DCHS2: variants seen among roughly 807,000 people sequenced by gnomAD.
DCHS2 encodes dachsous cadherin-related 2.
Under a neutral mutation model 182.4 loss-of-function variants are expected in DCHS2, and 142 were observed. The ratio of observed to expected loss-of-function variants is 0.78; its 90% CI spans 0.68 to 0.89. The LOEUF (loss-of-function observed/expected upper bound fraction) is 0.89, where lower values mean the gene tolerates loss of function less well. DCHS2 is among the 40% of genes least tolerant of loss of function. The probability of loss-of-function intolerance (pLI) is 0.00; values close to 1 mark genes in which losing one functional copy is unlikely to be tolerated. For synonymous variants in DCHS2, 1,740 were observed against 1,663.3 expected (o/e 1.05, Z -1.12); for missense variants, 4,319 against 4,198.6 (o/e 1.03, Z -0.79).
rs530829110 is a variant in DCHS2, at chr4:154,477,438, G to C, written c.2052+11866C>G. On this transcript the variant is annotated intron_variant, in intron 1 of 19. Transcript: ENST00000357232. Reference sequence around the variant, plus strand: ...AACATAGCACAAAGGCCTGAGCTGAGAAAAAGCACGGTGCCTTTTTGAAAT... The same window carrying C: ...AACATAGCACAAAGGCCTGAGCTGACAAAAAGCACGGTGCCTTTTTGAAAT... 3.1e-4 allele frequency among the ~76,000 whole-genome samples: 47 copies of C among 152,292 alleles called. 1 individual carries two copies. The South Asian group carries it at 9.5e-3, about 31-fold the overall frequency.
At chr4:154,443,775 C>T (rs1050894419) in intron 1 of DCHS2, among the ~76,000 whole-genome samples, 1 of 152,196 alleles carries the variant, frequency 6.6e-6, no homozygotes, top group Non-Finnish European at 1.5e-5. Flanking sequence ...CCACACAGTT[C>T]TCCAGCTACA....
At chr4:154,452,637 CAAACAAAA>C (rs1035678304) in intron 1 of DCHS2, among the ~76,000 whole-genome samples, 10 of 137,476 alleles carry the variant, frequency 7.3e-5, no homozygotes, top group African/African-American at 2.5e-4. Context: ...AACAAACAAA[CAAACAAAA>C]AAACAAAAAA....
Position 154,236,451 on chromosome 4 carries a change from G to A in DCHS2, c.8201C>T (p.Thr2734Ile). The change falls in exon 20 of 20, where the codon ACA becomes ATA. Residue 2734 changes from threonine to isoleucine, a missense_variant. Transcript: ENST00000357232. ...LIKPLDYEKM[T>I]KFTLTVQASD... is the part of the protein sequence containing the mutation. ...AGCTTGGACAGTTAAGGTGAATTTT[G>A]TCATTTTTTCATAATCCAGAGGTTT... is the stretch of plus-strand genomic sequence containing the variant. 6.2e-7 allele frequency: 1 copy of A among 1,613,950 alleles called. No individual in the cohort carries two copies. The highest frequency in any genetic ancestry group is 8.5e-7 in the Non-Finnish European group (1 of 1,179,930).
chr4:154,242,176 G>A (rs1172457071), intron 17 of DCHS2, among the ~76,000 whole-genome samples: 1 of 152,146 alleles, frequency 6.6e-6, no homozygotes, highest in African/African-American at 2.4e-5. Context: ...TACCATTAGT[G>A]TGGTACAAAC....
chr4:154,473,998 T>G (rs1472448588), intron 1 of DCHS2, among the ~76,000 whole-genome samples: 2 of 152,172 alleles, frequency 1.3e-5, no homozygotes, highest in African/African-American at 2.4e-5. Flanking sequence ...GAGCCGATAT[T>G]AAAGGTAAGT....
chr4:154,449,919 C>A (rs1734465346), intron 1 of DCHS2, among the ~76,000 whole-genome samples: 1 of 152,178 alleles, frequency 6.6e-6, no homozygotes, highest in South Asian at 2.1e-4. Flanking sequence ...ACGTGAGCAT[C>A]ACATCCTTTC....
chr4:154,309,783 A>G (rs532449555), intron 10 of DCHS2, among the ~76,000 whole-genome samples: 1 of 152,356 alleles, frequency 6.6e-6, no homozygotes, highest in Admixed American at 6.5e-5. Context: ...GATTAATTAA[A>G]TTATCAATCA....
intron 1 of DCHS2, among the ~76,000 whole-genome samples, chr4:154,480,531 A>AG (rs1735879191): frequency 6.6e-6 from 1 of 152,212 alleles, no homozygotes; most frequent in East Asian, 1.9e-4. Context: ...GCCTTTTGCC[A>AG]TAATACATTT....
intron 1 of DCHS2, among the ~76,000 whole-genome samples, chr4:154,471,616 C>G (rs991362643): frequency 1.1e-4 from 17 of 152,180 alleles, no homozygotes; most frequent in African/African-American, 3.9e-4. Flanking sequence ...CACATATGCA[C>G]AATCCTAAGA....
chr4:154,434,339 T>A (rs1242648866), intron 1 of DCHS2, among the ~76,000 whole-genome samples: 1 of 152,170 alleles, frequency 6.6e-6, no homozygotes, highest in Non-Finnish European at 1.5e-5. Context: ...GGAGGATCGC[T>A]TGAGCCTGGG....
intron 2 of DCHS2, among the ~76,000 whole-genome samples, chr4:154,372,895 C>T (rs535471673): frequency 6.6e-4 from 101 of 152,158 alleles, no homozygotes; most frequent in African/African-American, 2.1e-3. Context: ...GCAGTAGCAA[C>T]GAACATCAAT....
At position 154,236,061 on chromosome 4, in the gene DCHS2, AAGG is replaced by A. The variant is rs1225676569; in HGVS notation, c.8588_8590del (p.Ser2863del). 6.2e-7 allele frequency: 1 copy of A among 1,613,682 alleles called. No individual in the cohort carries two copies. The highest frequency in any genetic ancestry group is 1.3e-5 in the African/African-American group (1 of 74,892). On this transcript the variant is annotated inframe_deletion, in exon 20 of 20. Coordinates refer to ENST00000357232, the MANE Select transcript of DCHS2 (RefSeq NM_001358235.2). ...CCCTTCAATATCCACCCAGACCACT[AAGG>A]AGGCAGTTGCATCACCTTTGTCTTT...
chr4:154,258,367 CTTTTT>C (rs771510956), intron 15 of DCHS2, among the ~76,000 whole-genome samples: 7 of 58,834 alleles, frequency 1.2e-4, no homozygotes, highest in Admixed American at 5.6e-4. Context: ...AAAAGAAAGG[CTTTTT>C]TTTTTTTTTT....
chr4:154,470,543 T>A (rs1336645744), intron 1 of DCHS2, among the ~76,000 whole-genome samples: 2 of 152,062 alleles, frequency 1.3e-5, no homozygotes, highest in African/African-American at 4.8e-5. Flanking sequence ...ATCTGTCAGC[T>A]AATTCTGATA....
intron 13 of DCHS2, among the ~76,000 whole-genome samples, chr4:154,283,485 C>T (rs1455844489): frequency 6.7e-6 from 1 of 148,152 alleles, no homozygotes; most frequent in Non-Finnish European, 1.5e-5. Context: ...TGCAGATAAA[C>T]CAAAATAAAG....
chr4:154,349,829 G>A (rs1479364578), intron 3 of DCHS2, among the ~76,000 whole-genome samples: 1 of 152,166 alleles, frequency 6.6e-6, no homozygotes, highest in Non-Finnish European at 1.5e-5. Flanking sequence ...TAAATCAGAA[G>A]CCTTATTTTG....
At chr4:154,318,787 C>T (rs752453727) in intron 9 of DCHS2, among the ~76,000 whole-genome samples, 2 of 152,072 alleles carry the variant, frequency 1.3e-5, no homozygotes, top group Non-Finnish European at 2.9e-5. Context: ...AACTGATCTA[C>T]AGATTCAATG....
intron 1 of DCHS2, among the ~76,000 whole-genome samples, chr4:154,410,167 A>G (rs890430003): frequency 6.6e-6 from 1 of 152,178 alleles, no homozygotes; most frequent in Admixed American, 6.5e-5. Context: ...ACTGACCCCA[A>G]AGAAAAGTAA....
intron 16 of DCHS2, among the ~76,000 whole-genome samples, chr4:154,247,171 A>G (rs1406302885): frequency 6.6e-6 from 1 of 152,202 alleles, no homozygotes; most frequent in Non-Finnish European, 1.5e-5. Context: ...GAAAAATTAT[A>G]CAAAGTAAAA....
Sources: gnomAD v4.1 joint callset for allele counts (sites outside exome capture counted in the v4.1 genomes callset) on GRCh38, gnomAD v4.1.1 for gene constraint, MANE v1.5 for transcripts, NCBI Gene and HGNC (gene_info 2026-07-23, HGNC 2026-07-21) for gene names.